RAP1GAP2: variants seen among roughly 807,000 people sequenced by gnomAD.
RAP1GAP2 encodes the protein rap1 GTPase-activating protein 2.
Under a neutral mutation model 95.0 loss-of-function variants are expected in RAP1GAP2, and 27 were observed. The ratio of observed to expected loss-of-function variants is 0.28; its 90% CI spans 0.21 to 0.39. The LOEUF is 0.39. Among genes scored for constraint, RAP1GAP2 ranks in the 10% least tolerant of loss-of-function variants. The pLI is 1.00. For missense variants in RAP1GAP2, 771 were observed against 970.0 expected (o/e 0.79, Z 2.72); for synonymous variants, 373 against 380.9 (o/e 0.98, Z 0.24).
chr17:2,799,282 A>G (rs1225978948), intron 1 of RAP1GAP2, among the ~76,000 whole-genome samples: 1 of 152,196 alleles, frequency 6.6e-6, no homozygotes, highest in African/African-American at 2.4e-5. Flanking sequence ...GGAAGCCCTA[A>G]GGAAGGGACT....
intron 11 of RAP1GAP2, among the ~76,000 whole-genome samples, chr17:2,987,308 C>T (rs977677061): frequency 3.3e-5 from 5 of 152,276 alleles, no homozygotes; most frequent in African/African-American, 9.6e-5. Context: ...AATATTTTAA[C>T]GAAATATTTT....
chr17:2,777,079 G>T (rs964833822), exon 1 of RAP1GAP2: 1 of 152,290 alleles, frequency 6.6e-6, no homozygotes, highest in Admixed American at 6.5e-5. Context: ...GGCACGTATG[G>T]ACGGCGCGAG....
chr17:2,968,104 C>T (rs1434419963), intron 8 of RAP1GAP2, among the ~76,000 whole-genome samples: 1 of 152,016 alleles, frequency 6.6e-6, no homozygotes, highest in Non-Finnish European at 1.5e-5. Context: ...TTACAGAAAG[C>T]CAGGTGAATT....
chr17:2,800,696 G>T, intron 2 of RAP1GAP2, 146 bp downstream of exon 2: 3 of 873,802 alleles, frequency 3.4e-6, no homozygotes, highest in Non-Finnish European at 5.5e-6. Flanking sequence ...TTCCAGATCG[G>T]AGGAGGCTGG....
intron 2 of RAP1GAP2, among the ~76,000 whole-genome samples, chr17:2,892,195 G>T (rs959101929): frequency 6.6e-5 from 10 of 152,024 alleles, no homozygotes; most frequent in Non-Finnish European, 8.8e-5. Context: ...TTTTTCATTT[G>T]CCCAGGTGTT....
intron 1 of RAP1GAP2, among the ~76,000 whole-genome samples, chr17:2,765,557 T>C (rs1029665148): frequency 4.0e-5 from 6 of 151,846 alleles, no homozygotes; most frequent in Non-Finnish European, 8.8e-5. Flanking sequence ...CTGGCTAACA[T>C]GGTGAAACCC....
intron 2 of RAP1GAP2, among the ~76,000 whole-genome samples, chr17:2,818,208 A>G (rs1198637109): frequency 6.6e-6 from 1 of 152,018 alleles, no homozygotes; most frequent in African/African-American, 2.4e-5. Flanking sequence ...AGTTCCGGTC[A>G]TCATTTCTGC....
rs569208227 is a variant in RAP1GAP2, at chr17:2,928,249, G to A, written c.165+22881G>A. Among the ~76,000 whole-genome samples the A allele has an allele frequency of 6.6e-5, 10 of 152,340 alleles. No individual in the cohort carries two copies. The East Asian group carries it at 1.9e-3, about 29-fold the overall frequency. On this transcript the variant is annotated intron_variant, in intron 3 of 24. Transcript: ENST00000254695. ...CTCCTGTCTAACCGGAATCTTTCTT[G>A]TTGCAATTTCAGCCTGCTGGCTCTC... is the stretch of plus-strand genomic sequence containing the variant.
intron 3 of RAP1GAP2, among the ~76,000 whole-genome samples, chr17:2,946,845 C>T (rs940387391): frequency 6.6e-6 from 1 of 152,200 alleles, no homozygotes; most frequent in Non-Finnish European, 1.5e-5. Context: ...ACCTCCACCC[C>T]CCGGGTTCAA....
chr17:2,819,058 G>A lies in RAP1GAP2; in HGVS notation c.80+18508G>A, dbSNP rs182983521. Among the ~76,000 whole-genome samples, 1,085 of 150,074 alleles carry A rather than the reference G, an allele frequency of 7.2e-3. 7 individuals carry two copies. Among genetic ancestry groups the A allele is most frequent in the Middle Eastern group, 0.038 (11 of 290 alleles). ...TTTTGAGACAGAGTCTCACTCTGTC[G>A]CCCAGGCTGGAATGCAGTGGCGCGA... On this transcript the variant is annotated intron_variant, in intron 2 of 24. Transcript: ENST00000254695.
chr17:2,813,946 G>C (rs900094742), intron 2 of RAP1GAP2, among the ~76,000 whole-genome samples: 7 of 151,602 alleles, frequency 4.6e-5, no homozygotes, highest in Middle Eastern at 3.2e-3. Flanking sequence ...CTGGGCAACA[G>C]AGTGAGACTC....
intron 2 of RAP1GAP2, among the ~76,000 whole-genome samples, chr17:2,889,977 G>T (rs982988576): frequency 1.4e-5 from 2 of 147,214 alleles, no homozygotes; most frequent in Non-Finnish European, 3.0e-5. Flanking sequence ...GCCCGCTTTG[G>T]CCTCCCAAAG....
intron 2 of RAP1GAP2, among the ~76,000 whole-genome samples, chr17:2,860,955 C>T (rs1228851672): frequency 1.3e-5 from 2 of 152,090 alleles, no homozygotes; most frequent in African/African-American, 4.8e-5. Flanking sequence ...GTCCGGCCCA[C>T]ACCCCCTGCC....
intron 1 of RAP1GAP2, among the ~76,000 whole-genome samples, chr17:2,798,035 A>G (rs1317056226): frequency 6.6e-6 from 1 of 152,232 alleles, no homozygotes; most frequent in Non-Finnish European, 1.5e-5. Flanking sequence ...TCCAGAGCAC[A>G]AGGCAAAGCC....
In RAP1GAP2 at chr17:2,948,133, G is replaced by A. The variant is rs187287655; in HGVS notation, c.166-9626G>A. 1.9e-3 allele frequency among the ~76,000 whole-genome samples: 286 copies of A among 152,336 alleles called. 2 individuals carry two copies. Among genetic ancestry groups the A allele is most frequent in the Non-Finnish European group, 3.4e-3 (234 of 68,032 alleles). ...GGCTCTGTACACGCTGGCCCGTGTG[G>A]TCCTGCCACAGCTCTGTGAGTTAGC... On this transcript the variant is annotated intron_variant, in intron 3 of 24. Coordinates refer to ENST00000254695, the MANE Select transcript of RAP1GAP2 (RefSeq NM_015085.5).
chr17:2,819,243 A>G (rs1309758043), intron 2 of RAP1GAP2, among the ~76,000 whole-genome samples: 4 of 150,902 alleles, frequency 2.7e-5, no homozygotes, highest in Non-Finnish European at 4.4e-5. Context: ...GATGGTCTCG[A>G]TCTCCTGACC....
At chr17:2,832,616 T>C (rs1163715420) in intron 2 of RAP1GAP2, among the ~76,000 whole-genome samples, 1 of 150,612 alleles carries the variant, frequency 6.6e-6, no homozygotes, top group Non-Finnish European at 1.5e-5. Flanking sequence ...ATTCCCTTTC[T>C]CTCCTCCCCA....
intron 3 of RAP1GAP2, among the ~76,000 whole-genome samples, chr17:2,914,741 C>T (rs970592828): frequency 1.3e-5 from 2 of 151,166 alleles, no homozygotes; most frequent in Admixed American, 6.6e-5. Context: ...CCACCCACCT[C>T]GGCCTCCCAA....
chr17:2,911,181 C>T (rs2042367128), intron 3 of RAP1GAP2, among the ~76,000 whole-genome samples: 1 of 152,086 alleles, frequency 6.6e-6, no homozygotes, highest in Admixed American at 6.6e-5. Flanking sequence ...CCCCCGGGCC[C>T]CCACCCTCAC....
Sources: gnomAD v4.1 joint callset for allele counts (sites outside exome capture counted in the v4.1 genomes callset) on GRCh38, gnomAD v4.1.1 for gene constraint, MANE v1.5 for transcripts, NCBI Gene and HGNC (gene_info 2026-07-23, HGNC 2026-07-21) for gene names.